The following SLC17A1 variants were observed in gnomAD, a reference collection of about 807,000 sequenced individuals.
SLC17A1 encodes solute carrier family 17 member 1, also known as sodium-dependent phosphate transport protein 1.
In SLC17A1, 51 loss-of-function variants were observed where a neutral mutation model predicts 53.5. The observed-to-expected ratio is 0.95, with a 90% CI of 0.76 to 1.20. The LOEUF is 1.20. SLC17A1 is among the 50% of genes most tolerant of loss of function. The pLI is 0.00. For synonymous variants in SLC17A1, 179 were observed against 198.8 expected, an observed-to-expected ratio of 0.90 and a Z score of 0.84; for missense variants, 538 against 568.2, an observed-to-expected ratio of 0.95 and a Z score of 0.54.
At chr6:25,741,743 A>G in the SLC17A1 span, among the ~76,000 whole-genome samples, 2 of 151,256 alleles carry the variant, frequency 1.3e-5, no homozygotes, top group East Asian at 1.9e-4. Flanking sequence ...TACAAAAAGA[A>G]AAAAAAAATT....
downstream of SLC17A1, chr6:25,777,971 A>T (rs1033115709): frequency 5.6e-6 from 9 of 1,613,000 alleles, no homozygotes; most frequent in East Asian, 2.2e-5. Context: ...TTGCACACAT[A>T]GCTGGAGCCA....
At chr6:25,786,015 G>A (rs1391711619) in intron 12 of SLC17A1, among the ~76,000 whole-genome samples, 1 of 152,136 alleles carries the variant, frequency 6.6e-6, no homozygotes, top group Non-Finnish European at 1.5e-5. Context: ...ATAAAAACTT[G>A]TACACACAAA....
chr6:25,810,336 T>C (rs889435107), intron 10 of SLC17A1, among the ~76,000 whole-genome samples: 1 of 152,040 alleles, frequency 6.6e-6, no homozygotes, highest in African/African-American at 2.4e-5. Context: ...ACCTGAAGAA[T>C]AGGAGAAAAT....
chr6:25,815,889 C>T (rs1319623006), intron 6 of SLC17A1, among the ~76,000 whole-genome samples: 1 of 148,722 alleles, frequency 6.7e-6, no homozygotes. Context: ...TCATTTCCTC[C>T]CCTACCATAT....
At chr6:25,727,262 G>A in the SLC17A1 span, 3 of 1,610,096 alleles carry the variant, frequency 1.9e-6, no homozygotes, top group Admixed American at 1.7e-5. Flanking sequence ...AGGGCACCAA[G>A]GCTGTCACTA....
intron 10 of SLC17A1, among the ~76,000 whole-genome samples, chr6:25,804,008 C>G (rs972624439): frequency 6.6e-6 from 1 of 152,116 alleles, no homozygotes; most frequent in Admixed American, 6.5e-5. Flanking sequence ...TGCTTCTAAT[C>G]ATAAGGATAT....
chr6:25,763,822 C>T, the SLC17A1 span, among the ~76,000 whole-genome samples: 2 of 152,204 alleles, frequency 1.3e-5, no homozygotes, highest in Non-Finnish European at 2.9e-5. Flanking sequence ...ACAGACATCA[C>T]TTTGACCTTC....
chr6:25,770,929 C>T, the SLC17A1 span: 3 of 1,613,598 alleles, frequency 1.9e-6, no homozygotes, highest in Admixed American at 5.0e-5. Flanking sequence ...TGTTCAGGGT[C>T]AATGCTGGGG....
intron 10 of SLC17A1, among the ~76,000 whole-genome samples, chr6:25,805,440 A>G (rs1763918965): frequency 6.6e-6 from 1 of 152,074 alleles, no homozygotes; most frequent in Admixed American, 6.6e-5. Context: ...TCACAAATTG[A>G]CAACCTAATG....
At chr6:25,804,727 A>G (rs919426331) in intron 10 of SLC17A1, among the ~76,000 whole-genome samples, 3 of 152,134 alleles carry the variant, frequency 2.0e-5, no homozygotes, top group Non-Finnish European at 4.4e-5. Context: ...AGTGAGCAGG[A>G]GTAGCTATTC....
chr6:25,813,007 A>G lies in SLC17A1; in HGVS notation c.736-15T>C. 1.2e-6 allele frequency: 2 copies of G among 1,613,760 alleles called. No individual in the cohort carries two copies. Among genetic ancestry groups the G allele is most frequent in the Non-Finnish European group, 1.7e-6 (2 of 1,179,816 alleles). ...CTTGAACTGACCTGGAGAGAAATTC[A>G]TTAAGAATTAGCACATTAGAACAAA... On this transcript the variant is annotated splice_polypyrimidine_tract_variant and intron_variant, in intron 7 of 12. Transcript: ENST00000244527.
chr6:25,770,371 T>A, the SLC17A1 span: 1 of 1,613,968 alleles, frequency 6.2e-7, no homozygotes, highest in Non-Finnish European at 8.5e-7. Context: ...AAGAATGGAA[T>A]TTTTCCCCCC....
chr6:25,784,448 T>C (rs769504934), intron 12 of SLC17A1, among the ~76,000 whole-genome samples: 5 of 152,134 alleles, frequency 3.3e-5, no homozygotes, highest in Non-Finnish European at 7.4e-5. Context: ...GGGGAGCCAG[T>C]GCATCACATG....
intron 2 of SLC17A1, among the ~76,000 whole-genome samples, chr6:25,829,868 G>GA (rs953082754): frequency 6.6e-6 from 1 of 151,486 alleles, no homozygotes; most frequent in African/African-American, 2.4e-5. Flanking sequence ...ATAATATATA[G>GA]AAAAAAACAT....
At chr6:25,782,151 T>G (rs968368720), downstream of SLC17A1, among the ~76,000 whole-genome samples, 1 of 152,206 alleles carries the variant, frequency 6.6e-6, no homozygotes, top group Non-Finnish European at 1.5e-5. Flanking sequence ...TGTCTTCATC[T>G]GCTAGTGCAA....
At chr6:25,812,342 G>T (rs925110901) in intron 8 of SLC17A1, among the ~76,000 whole-genome samples, 5 of 152,142 alleles carry the variant, frequency 3.3e-5, no homozygotes, top group African/African-American at 9.7e-5. Context: ...ATAGGAGTTT[G>T]CCCGTATCAG....
At chr6:25,731,069 C>G in the SLC17A1 span, among the ~76,000 whole-genome samples, 1 of 152,164 alleles carries the variant, frequency 6.6e-6, no homozygotes. Context: ...CTGTTGGGAT[C>G]AACTGGAAAT....
chr6:25,794,167 T>C (rs1273312745), intron 12 of SLC17A1, among the ~76,000 whole-genome samples: 1 of 152,198 alleles, frequency 6.6e-6, no homozygotes, highest in Non-Finnish European at 1.5e-5. Context: ...TAAGTGGACC[T>C]GAGTGGGAAC....
chr6:25,726,225 C>T, the SLC17A1 span: 38 of 1,612,822 alleles, frequency 2.4e-5, no homozygotes, highest in South Asian at 2.9e-4. Context: ...GGGCAATGGT[C>T]ACGCCGCCCA....
Sources: gnomAD v4.1 joint callset for allele counts (sites outside exome capture counted in the v4.1 genomes callset) on GRCh38, gnomAD v4.1.1 for gene constraint, MANE v1.5 for transcripts, NCBI Gene and HGNC (gene_info 2026-07-23, HGNC 2026-07-21) for gene names.